APLP2: variants seen among roughly 807,000 people sequenced by gnomAD.
The protein encoded by APLP2 is amyloid beta precursor like protein 2, also known as CDEI box-binding protein.
A neutral mutation model predicts 89.9 loss-of-function variants in APLP2; 53 were observed. The ratio of observed to expected loss-of-function variants is 0.59; its 90% CI spans 0.47 to 0.74. The LOEUF (loss-of-function observed/expected upper bound fraction) is 0.74. APLP2 is among the 30% of genes least tolerant of loss of function. The pLI is 0.00. For synonymous variants in APLP2, 372 were observed against 348.6 expected (o/e 1.07, Z -0.75); for missense variants, 973 against 975.9 (o/e 1.00, Z 0.04).
At position 130,123,487 on chromosome 11, in the gene APLP2, G is replaced by T; in HGVS notation, c.923-125G>T. The T allele has an allele frequency of 9.8e-7, 1 of 1,020,110 alleles. No individual in the cohort carries two copies. The highest frequency in any genetic ancestry group is 2.9e-5 in the Admixed American group (1 of 34,908). The allele number at this position is 1,020,110 out of a possible 1,614,324, so 63.2% of individuals were successfully genotyped here. ...CTGAGCTGGAGCTTTCGGCCACCGG[G>T]CCTCCAGGCTCCGTCCAGTCTCAGG... is the stretch of plus-strand genomic sequence containing the variant. On this transcript the variant is annotated intron_variant, in intron 6 of 16. Transcript: ENST00000338167. The surrounding 1 kb of genome is among the most constrained non-coding windows in gnomAD (Gnocchi z 4.0).
At chr11:130,081,821 C>A (rs1943202868) in intron 1 of APLP2, among the ~76,000 whole-genome samples, 1 of 152,060 alleles carries the variant, frequency 6.6e-6, no homozygotes, top group African/African-American at 2.4e-5. Context: ...TCTCATTCTT[C>A]TCTAATGTAA....
Position 130,121,781 on chromosome 11 carries a change from TGAA to T in APLP2, c.687_689del (p.Glu231del). The T allele has an allele frequency of 3.2e-6, 5 of 1,573,582 alleles. No homozygotes were observed. Among genetic ancestry groups the T allele is most frequent in the Middle Eastern group, 1.7e-4 (1 of 5,726 alleles). ...ATGAAGAGGAAGAGGAAGAGGAAGA[TGAA>T]GAGGAAGACTATGATGTTTATAAAA... On this transcript the variant is annotated inframe_deletion, in exon 5 of 17. Transcript: ENST00000338167.
At chr11:130,077,907 A>T (rs1338747093) in intron 1 of APLP2, among the ~76,000 whole-genome samples, 1 of 152,186 alleles carries the variant, frequency 6.6e-6, no homozygotes, top group Non-Finnish European at 1.5e-5. Flanking sequence ...TCTACCCACT[A>T]TTGAAAGCCC....
At chr11:130,091,487 C>T (rs1463838605) in intron 1 of APLP2, among the ~76,000 whole-genome samples, 15 of 133,334 alleles carry the variant, frequency 1.1e-4, no homozygotes, top group African/African-American at 4.2e-4. Flanking sequence ...GCTGGCCGGG[C>T]GGAGGGCTGA....
chr11:130,144,248 C>CGTT lies in APLP2; in HGVS notation c.*801_*803dup, dbSNP rs1952726166. On this transcript the variant is annotated 3_prime_UTR_variant, in exon 17 of 17. Coordinates refer to ENST00000338167, the MANE Select transcript of APLP2 (RefSeq NM_001142276.2). ...TTGTTTACCTACCGTAGCTTTTTACCGTTCACTTCCCCTTCCAACTATGTC... is the reference window on the plus strand; with the variant it reads ...TTGTTTACCTACCGTAGCTTTTTACCGTTGTTCACTTCCCCTTCCAACTATGTC... 1 of 152,226 alleles carries CGTT rather than the reference C, an allele frequency of 6.6e-6. No homozygotes were observed. The highest frequency in any genetic ancestry group is 2.4e-5 in the African/African-American group (1 of 41,438). The allele number at this position is 152,226 out of a possible 1,614,324, so 9.4% of individuals were successfully genotyped here.
chr11:130,101,798 C>A, intron 1 of APLP2: 1 of 371,866 alleles, frequency 2.7e-6, no homozygotes, highest in Non-Finnish European at 5.3e-6. Flanking sequence ...TTTGCACTGG[C>A]ACAGCACTGT....
At chr11:130,105,487 T>C (rs1947564465) in intron 1 of APLP2, among the ~76,000 whole-genome samples, 1 of 152,200 alleles carries the variant, frequency 6.6e-6, no homozygotes, top group African/African-American at 2.4e-5. Context: ...TATATGCTGT[T>C]TTTGAAAAGA....
intron 1 of APLP2, among the ~76,000 whole-genome samples, chr11:130,101,172 T>C (rs1379063161): frequency 6.6e-6 from 1 of 152,126 alleles, no homozygotes; most frequent in East Asian, 1.9e-4. Flanking sequence ...TACCCGTGTG[T>C]TTTGTTGTTG....
chr11:130,104,579 C>T (rs546839875), intron 1 of APLP2, among the ~76,000 whole-genome samples: 1 of 152,158 alleles, frequency 6.6e-6, no homozygotes, highest in East Asian at 1.9e-4. Flanking sequence ...TCCTTTATAC[C>T]TTTTAATGAT....
intron 1 of APLP2, among the ~76,000 whole-genome samples, chr11:130,075,506 C>A (rs150150038): frequency 6.6e-6 from 1 of 152,056 alleles, no homozygotes; most frequent in Non-Finnish European, 1.5e-5. Context: ...TTTTACTTTG[C>A]GAAACACACT....
chr11:130,087,357 C>A (rs945783713), intron 1 of APLP2, among the ~76,000 whole-genome samples: 1 of 152,160 alleles, frequency 6.6e-6, no homozygotes, highest in Non-Finnish European at 1.5e-5. Flanking sequence ...TAAATATATT[C>A]ATTTCCAAAG....
chr11:130,088,134 C>G (rs1944394574), intron 1 of APLP2, among the ~76,000 whole-genome samples: 2 of 152,168 alleles, frequency 1.3e-5, no homozygotes, highest in Non-Finnish European at 2.9e-5. Flanking sequence ...ATTATTGTAA[C>G]TTGAATTCAG....
chr11:130,090,701 C>A (rs933091403), intron 1 of APLP2, among the ~76,000 whole-genome samples: 4 of 152,346 alleles, frequency 2.6e-5, no homozygotes, highest in African/African-American at 7.2e-5. Flanking sequence ...ATTTCTCAAT[C>A]CCTTCCCCAC....
intron 1 of APLP2, among the ~76,000 whole-genome samples, chr11:130,086,479 C>G (rs912535870): frequency 6.6e-6 from 1 of 152,224 alleles, no homozygotes; most frequent in African/African-American, 2.4e-5. Flanking sequence ...TGTGTTTTCA[C>G]TCTCAATAGT....
intron 1 of APLP2, among the ~76,000 whole-genome samples, chr11:130,076,616 G>T (rs1942175981): frequency 1.3e-5 from 2 of 152,116 alleles, no homozygotes; most frequent in African/African-American, 4.8e-5. Context: ...ACTACTTCGT[G>T]TGTGGAGTGG....
At chr11:130,076,531 A>G (rs1283665691) in intron 1 of APLP2, among the ~76,000 whole-genome samples, 1 of 152,180 alleles carries the variant, frequency 6.6e-6, no homozygotes, top group African/African-American at 2.4e-5. Context: ...GGAAGAGAGA[A>G]GGCTGCCAGC....
chr11:130,142,623 T>C (rs2136170900), intron 16 of APLP2, among the ~76,000 whole-genome samples: 1 of 152,238 alleles, frequency 6.6e-6, no homozygotes, highest in African/African-American at 2.4e-5. Flanking sequence ...TTTTGGTTTT[T>C]TGGTTTTTTG....
rs1001474469 is a variant in APLP2 at position 130,121,476 on chromosome 11, C to T, written c.517-138C>T. ...TAATATTATTACAATTTTTTTTTGA[C>T]AGAAAATGTATGTGTTCATAAGAGA... On this transcript the variant is annotated intron_variant, in intron 4 of 16. Transcript: ENST00000338167. 2.7e-6 allele frequency: 3 copies of T among 1,124,346 alleles called. No individual in the cohort carries two copies. The African/African-American group carries it at 4.8e-5, about 18-fold the overall frequency. The allele number at this position is 1,124,346 out of a possible 1,614,324, so 69.6% of individuals were successfully genotyped here.
At chr11:130,122,641 G>A (rs1949954667) in intron 6 of APLP2, 128 bp downstream of exon 6, 14 of 1,476,688 alleles carry the variant, frequency 9.5e-6, no homozygotes, top group Non-Finnish European at 1.3e-5. Flanking sequence ...CTGAAGGTGA[G>A]TTCAGCTCTC....
Sources: gnomAD v4.1 joint callset for allele counts (sites outside exome capture counted in the v4.1 genomes callset) on GRCh38, gnomAD v4.1.1 for gene constraint, Gnocchi (gnomAD v3.1) non-coding constraint, MANE v1.5 for transcripts, NCBI Gene and HGNC (gene_info 2026-07-23, HGNC 2026-07-21) for gene names.